The following RPS26 variants were observed in gnomAD, a reference collection of about 807,000 sequenced individuals.
The protein encoded by RPS26 is small ribosomal subunit protein eS26.
In RPS26, 1 loss-of-function variant was observed where a neutral mutation model predicts 14.7. The ratio of observed to expected loss-of-function variants is 0.07; its 90% CI spans 0.02 to 0.32. The LOEUF (loss-of-function observed/expected upper bound fraction) is 0.32. Among genes scored for constraint, RPS26 ranks in the 10% least tolerant of loss-of-function variants. The pLI, the probability that RPS26 is intolerant of heterozygous loss-of-function variation, is 1.00. For synonymous variants in RPS26, 59 were observed against 53.1 expected, an observed-to-expected ratio of 1.11 and a Z score of -0.48; for missense variants, 63 against 157.7, an observed-to-expected ratio of 0.40 and a Z score of 3.22.
intron 3 of RPS26, among the ~76,000 whole-genome samples, chr12:56,043,889 G>C (rs1895927830): frequency 6.6e-6 from 1 of 152,076 alleles, no homozygotes; most frequent in African/African-American, 2.4e-5. Flanking sequence ...TAAGCTGTAA[G>C]GCAGGTGAGA....
intron 2 of RPS26, 85 bp downstream of exon 2, chr12:56,042,687 C>T (rs1233402388): frequency 6.2e-6 from 7 of 1,121,460 alleles, no homozygotes; most frequent in African/African-American, 4.6e-5. Flanking sequence ...AGGCTCTGTT[C>T]TTTGGAGCCT....
intron 2 of RPS26, 133 bp from the exon 3 acceptor site, chr12:56,043,230 T>G: frequency 1.2e-6 from 1 of 863,674 alleles, no homozygotes; most frequent in Non-Finnish European, 1.9e-6. Flanking sequence ...TTGGGGGTGC[T>G]TTTATGTGCC....
At chr12:56,042,823 A>G (rs1895907653) in intron 2 of RPS26, 2 of 603,186 alleles carry the variant, frequency 3.3e-6, no homozygotes, top group South Asian at 3.9e-5. Context: ...CTCTGAGGTA[A>G]AGGTTTGCCT....
Position 56,044,310 on chromosome 12 carries a change from G to A in RPS26, c.*156G>A. On this transcript the variant is annotated 3_prime_UTR_variant, in exon 4 of 4. Coordinates refer to ENST00000646449, the MANE Select transcript of RPS26 (RefSeq NM_001029.5). ...TGAAGTGACACACATTATTTTCATG[G>A]GGAAGAAAGCTTATTCATGTAATTT... 3 of 631,412 alleles carry A rather than the reference G, an allele frequency of 4.8e-6. No homozygotes were observed. In the South Asian group the frequency reaches 5.4e-5, roughly 11 times the overall value. The allele number at this position is 631,412 out of a possible 1,614,324, so 39.1% of individuals were successfully genotyped here. A position where few individuals can be genotyped will look rare whatever the true frequency, so the allele number is the denominator to read the frequency against.
In RPS26 at chr12:56,043,483, T is replaced by A; in HGVS notation, c.302T>A (p.Phe101Tyr). 1 of 1,613,800 alleles carries A rather than the reference T, an allele frequency of 6.2e-7. No homozygotes were observed. Among genetic ancestry groups the A allele is most frequent in the Non-Finnish European group, 8.5e-7 (1 of 1,179,894 alleles). Reference protein sequence around the residue: ...ARKDRTPPPRFRPAGAAPRPP... With the variant: ...ARKDRTPPPRYRPAGAAPRPP... ...AAGGACCGAACACCCCCACCCCGAT[T>A]TAGACCTGCGGTGAGTATTTTAAAA... is the stretch of plus-strand genomic sequence containing the variant. The change falls in exon 3 of 4, where the codon TTT becomes TAT. Residue 101 changes from phenylalanine (F) to tyrosine (Y), a missense_variant. Phe to Tyr is a conservative substitution (Grantham distance 22, BLOSUM62 3). Coordinates refer to ENST00000646449, the MANE Select transcript of RPS26 (RefSeq NM_001029.5).
At chr12:56,043,312 AAAGC>A (rs1224914923) in intron 2 of RPS26, 47 bp from the exon 3 acceptor site, 15 of 1,583,696 alleles carry the variant, frequency 9.5e-6, no homozygotes, top group Non-Finnish European at 1.1e-5. Context: ...ATGTAACAAA[AAAGC>A]AAGGTAGGTA....
intron 1 of RPS26, 109 bp from the exon 2 acceptor site, chr12:56,042,316 G>T: frequency 3.0e-5 from 46 of 1,513,186 alleles, no homozygotes; most frequent in Non-Finnish European, 4.2e-5. Context: ...AGAAACAGGA[G>T]ATCCGAGCGG....
Position 56,042,020 on chromosome 12 carries a change from T to C in RPS26, c.-147T>C. On this transcript the variant is annotated 5_prime_UTR_variant, in exon 1 of 4. Transcript: ENST00000646449. Reference sequence around the variant, plus strand: ...CCACCCTAGATTTCAGCAGAAATGCTGAATGTAAAGGAATATTTGAGTAAA... The same window carrying C: ...CCACCCTAGATTTCAGCAGAAATGCCGAATGTAAAGGAATATTTGAGTAAA... 2.4e-6 allele frequency: 2 copies of C among 827,432 alleles called. No homozygotes were observed. The highest frequency in any genetic ancestry group is 2.8e-5 in the South Asian group (2 of 71,536). 51.3% of individuals were successfully genotyped at this position (827,432 alleles called of 1,614,324 possible).
At chr12:56,042,328 G>A in intron 1 of RPS26, 97 bp from the exon 2 acceptor site, 1 of 1,525,502 alleles carries the variant, frequency 6.6e-7, no homozygotes, top group South Asian at 1.1e-5. Flanking sequence ...TCCGAGCGGC[G>A]CCTTCCTGGA....
At position 56,042,303 on chromosome 12, in the gene RPS26, C is replaced by T. The variant is rs1269472741; in HGVS notation, c.4-122C>T. The T allele has an allele frequency of 2.2e-5, 34 of 1,513,756 alleles. No homozygotes were observed. The East Asian group carries it at 4.1e-4, about 18-fold the overall frequency. The allele number at this position is 1,513,756 out of a possible 1,614,324, so 93.8% of individuals were successfully genotyped here. ...TTGCTCTGGGGGTCGGCGGGATTTG[C>T]GGAGAAACAGGAGATCCGAGCGGCG... is the stretch of plus-strand genomic sequence containing the variant. On this transcript the variant is annotated intron_variant, in intron 1 of 3. Transcript: ENST00000646449.
At chr12:56,042,312 A>G (rs1895897804) in intron 1 of RPS26, 113 bp from the exon 2 acceptor site, 2 of 1,509,824 alleles carry the variant, frequency 1.3e-6, no homozygotes, top group East Asian at 2.3e-5. Flanking sequence ...GCGGAGAAAC[A>G]GGAGATCCGA....
In RPS26 at chr12:56,042,608, T is replaced by G. The variant is rs201848035; in HGVS notation, c.181+6T>G. Reference sequence around the variant, plus strand: ...TGAAGCGAGCGTCTTCGATGGTAAGTGGGTCACCGGCGCGAACTGTGTGAG... The same window carrying G: ...TGAAGCGAGCGTCTTCGATGGTAAGGGGGTCACCGGCGCGAACTGTGTGAG... On this transcript the variant is annotated splice_donor_region_variant and intron_variant, in intron 2 of 3. Coordinates refer to ENST00000646449, the MANE Select transcript of RPS26 (RefSeq NM_001029.5). 26 of 1,597,976 alleles carry G rather than the reference T, an allele frequency of 1.6e-5. No homozygotes were observed. The East Asian group carries it at 4.5e-4, about 27-fold the overall frequency.
intron 3 of RPS26, among the ~76,000 whole-genome samples, 193 bp from the exon 4 acceptor site, chr12:56,043,926 C>T (rs1565846028): frequency 6.6e-6 from 1 of 152,078 alleles, no homozygotes; most frequent in Non-Finnish European, 1.5e-5. Context: ...CTTAGAGACA[C>T]TGCAAAGCAG....
In RPS26 at chr12:56,044,401, T is replaced by C; in HGVS notation, c.*247T>C. ...CTTTGTCGCCCAAGCTGAATTGCAG[T>C]GGCGTGATCTCAGCTCACTGCAACC... is the stretch of plus-strand genomic sequence containing the variant. On this transcript the variant is annotated 3_prime_UTR_variant, in exon 4 of 4. Coordinates refer to ENST00000646449, the MANE Select transcript of RPS26 (RefSeq NM_001029.5). The C allele has an allele frequency of 2.2e-6, 1 of 456,390 alleles. No individual in the cohort carries two copies. The highest frequency in any genetic ancestry group is 3.8e-6 in the Non-Finnish European group (1 of 261,582). 28.3% of individuals were successfully genotyped at this position (456,390 alleles called of 1,614,324 possible).
intron 1 of RPS26, 57 bp downstream of exon 1, chr12:56,042,226 G>A: frequency 6.2e-7 from 1 of 1,606,720 alleles, no homozygotes; most frequent in South Asian, 1.1e-5. Context: ...GGGATTGTGG[G>A]GAAGTGAGAG....
Sources: allele counts gnomAD v4.1 joint callset (sites outside exome capture counted in the v4.1 genomes callset), GRCh38; gene constraint gnomAD v4.1.1; transcripts MANE v1.5; gene names NCBI Gene and HGNC (gene_info 2026-07-23, HGNC 2026-07-21).